CPAP: variants seen among roughly 807,000 people sequenced by gnomAD.
CPAP encodes the protein centrosome assembly and centriole elongation protein, also known as centrosomal P4.1-associated protein.
the CPAP span, among the ~76,000 whole-genome samples, chr13:24,883,712 A>G: frequency 6.6e-6 from 1 of 152,222 alleles, no homozygotes; most frequent in African/African-American, 2.4e-5. Flanking sequence ...GGTGGGGAAG[A>G]GAGTTAGTTA....
chr13:24,906,401 A>G, the CPAP span: 1 of 1,612,924 alleles, frequency 6.2e-7, no homozygotes, highest in Non-Finnish European at 8.5e-7. Flanking sequence ...AGACTCTTTC[A>G]TGGTCTCCCT....
the CPAP span, among the ~76,000 whole-genome samples, chr13:24,929,901 A>ATTTTTT: frequency 2.0e-5 from 2 of 100,926 alleles, no homozygotes; most frequent in Non-Finnish European, 3.9e-5. Context: ...TCACTTGTGA[A>ATTTTTT]TTTTTTTTTT....
chr13:24,884,126 G>A, the CPAP span: 100 of 1,589,936 alleles, frequency 6.3e-5, no homozygotes, highest in Non-Finnish European at 1.0e-5. Context: ...TGAAGGAAGG[G>A]AAGAATTTAA....
the CPAP span, chr13:24,906,301 C>G: frequency 6.2e-7 from 1 of 1,600,616 alleles, no homozygotes; most frequent in East Asian, 2.2e-5. Context: ...GTTCTAAAAA[C>G]AAAAATTCAT....
the CPAP span, among the ~76,000 whole-genome samples, chr13:24,922,452 G>C: frequency 3.9e-5 from 6 of 152,214 alleles, no homozygotes; most frequent in South Asian, 4.1e-4. Context: ...CTGCTCCAGC[G>C]GACTGCGGCT....
At chr13:24,926,584 T>C in the CPAP span, among the ~76,000 whole-genome samples, 1 of 152,120 alleles carries the variant, frequency 6.6e-6, no homozygotes, top group Non-Finnish European at 1.5e-5. Context: ...TCCACCTACC[T>C]GACCGCCTCC....
At chr13:24,882,325 T>C in the CPAP span, 1 of 151,804 alleles carries the variant, frequency 6.6e-6, no homozygotes, top group Non-Finnish European at 1.5e-5. Flanking sequence ...TCACCTGGAA[T>C]TGATAGATTT....
the CPAP span, chr13:24,883,186 C>G: frequency 1.2e-6 from 2 of 1,613,832 alleles, no homozygotes; most frequent in East Asian, 2.2e-5. Context: ...GTCACAGCTC[C>G]GTGTCCATTA....
chr13:24,910,972 TC>T, the CPAP span, among the ~76,000 whole-genome samples: 1 of 152,212 alleles, frequency 6.6e-6, no homozygotes, highest in Non-Finnish European at 1.5e-5. Flanking sequence ...AGTCTTTTTT[TC>T]CTTGTATTCT....
At chr13:24,932,043 C>G in the CPAP span, among the ~76,000 whole-genome samples, 26,787 of 152,246 alleles carry the variant, frequency 0.18, 2,542 homozygotes, top group South Asian at 0.34. Context: ...GCGACGGTCC[C>G]TGCTAGGGAC....
chr13:24,932,231 G>C, the CPAP span, among the ~76,000 whole-genome samples: 1 of 152,244 alleles, frequency 6.6e-6, no homozygotes, highest in African/African-American at 2.4e-5. Context: ...CTTTCTTTGA[G>C]GGAGGCTGTT....
the CPAP span, chr13:24,892,769 C>T: frequency 6.2e-7 from 1 of 1,613,876 alleles, no homozygotes; most frequent in Non-Finnish European, 8.5e-7. Context: ...CTCTGACTAA[C>T]ATTTGTATCT....
At chr13:24,912,620 C>G in the CPAP span, 2 of 1,613,718 alleles carry the variant, frequency 1.2e-6, no homozygotes. Flanking sequence ...TTATAAGCCC[C>G]TTCTTTGAAT....
At chr13:24,885,484 CATTT>C in the CPAP span, 3 of 1,181,330 alleles carry the variant, frequency 2.5e-6, no homozygotes, top group African/African-American at 4.5e-5. Flanking sequence ...CAAAATATAA[CATTT>C]ATAATGTTAA....
At chr13:24,901,893 G>C in the CPAP span, among the ~76,000 whole-genome samples, 1 of 152,322 alleles carries the variant, frequency 6.6e-6, no homozygotes, top group South Asian at 2.1e-4. Flanking sequence ...GCAGGAGGCT[G>C]AGGTGGAGGA....
At chr13:24,909,831 T>G in the CPAP span, 1 of 1,613,748 alleles carries the variant, frequency 6.2e-7, no homozygotes, top group Non-Finnish European at 8.5e-7. Flanking sequence ...ATTATTTTTT[T>G]CCACAGGTGC....
At chr13:24,915,080 A>ATAAT in the CPAP span, among the ~76,000 whole-genome samples, 4 of 151,712 alleles carry the variant, frequency 2.6e-5, no homozygotes, top group East Asian at 1.9e-4. Flanking sequence ...CTCTCAAAAA[A>ATAAT]TAATTAATTA....
chr13:24,899,026 A>G, the CPAP span, among the ~76,000 whole-genome samples: 7 of 152,256 alleles, frequency 4.6e-5, no homozygotes, highest in Admixed American at 1.3e-4. Context: ...CTATCAGTTT[A>G]TAAGTTTTAG....
chr13:24,905,866 G>A, the CPAP span: 1 of 1,614,112 alleles, frequency 6.2e-7, no homozygotes, highest in Non-Finnish European at 8.5e-7. Context: ...TGCTGCTGAT[G>A]CCCCTCTCTC....
Sources: gnomAD v4.1 joint callset for allele counts (sites outside exome capture counted in the v4.1 genomes callset) on GRCh38, gnomAD v4.1.1 for gene constraint, MANE v1.5 for transcripts, NCBI Gene and HGNC (gene_info 2026-07-23, HGNC 2026-07-21) for gene names.